ZNF8: variants seen among roughly 807,000 people sequenced by gnomAD.
ZNF8 encodes zinc finger protein 8.
In ZNF8, 9 loss-of-function variants were observed where a neutral mutation model predicts 12.2. That is an observed-to-expected ratio of 0.73 (90% CI 0.44 to 1.28). The LOEUF (loss-of-function observed/expected upper bound fraction) is 1.28, where lower values mean the gene tolerates loss of function less well. Ranked by LOEUF, ZNF8 falls within the 50% of genes most tolerant of loss-of-function variation. The pLI is 0.00. For missense variants in ZNF8, 664 were observed against 729.1 expected (o/e 0.91, Z 1.03); for synonymous variants, 274 against 282.3 (o/e 0.97, Z 0.30).
chr19:58,279,274 T>C, intron 1 of ZNF8, 127 bp downstream of exon 1: 1 of 1,522,186 alleles, frequency 6.6e-7, no homozygotes, highest in Non-Finnish European at 8.8e-7. Context: ...GTGGGGAAAC[T>C]CAGACGCGGG....
In ZNF8 at chr19:58,295,552, G is replaced by A. The variant is rs761895705; in HGVS notation, c.*16G>A. ...ATCCACATAGGAGAGAAACTTTGCT[G>A]ATGACTTTTAACCACAAGTAAAAAA... On this transcript the variant is annotated 3_prime_UTR_variant, in exon 4 of 4. Coordinates refer to ENST00000621650, the MANE Select transcript of ZNF8 (RefSeq NM_021089.3). 1 of 1,570,268 alleles carries A rather than the reference G, an allele frequency of 6.4e-7. No homozygotes were observed. Among genetic ancestry groups the A allele is most frequent in the Non-Finnish European group, 8.6e-7 (1 of 1,156,944 alleles).
At chr19:58,287,816 T>C (rs968137542) in intron 3 of ZNF8, among the ~76,000 whole-genome samples, 10 of 150,288 alleles carry the variant, frequency 6.7e-5, no homozygotes, top group Admixed American at 2.0e-4. Flanking sequence ...TTTCTTTTTC[T>C]TTTTTAAAAA....
In ZNF8 at chr19:58,294,534, T is replaced by C. The variant is rs1247880902; in HGVS notation, c.726T>C (p.Ile242=). The C allele has an allele frequency of 1.1e-5, 18 of 1,614,012 alleles. No homozygotes were observed. Among genetic ancestry groups the C allele is most frequent in the Non-Finnish European group, 1.5e-5 (18 of 1,180,030 alleles). Residue 242 remains isoleucine, a synonymous_variant, in exon 4 of 4, where the codon ATT becomes ATC. Coordinates refer to ENST00000621650, the MANE Select transcript of ZNF8 (RefSeq NM_021089.3). This position sits in a 1 kb window ranked among gnomAD's most constrained non-coding sequence, Gnocchi z 5.5. ...SDCHRDSSQA[I]PITELTKSQV... is the part of the protein sequence containing the mutation. Reference sequence around the variant, plus strand: ...GTCACAGAGATTCCAGTCAGGCCATTCCAATTACGGAACTCACAAAAAGCC... The same window carrying C: ...GTCACAGAGATTCCAGTCAGGCCATCCCAATTACGGAACTCACAAAAAGCC...
chr19:58,295,471 G>A lies in ZNF8; in HGVS notation c.1663G>A (p.Val555Ile), dbSNP rs762878173. Reference sequence around the variant, plus strand: ...CATGCAAGAGAAAAACCCTGTGCACGTTATTGGGGTGGAAGAGCCTTCTGT... The same window carrying A: ...CATGCAAGAGAAAAACCCTGTGCACATTATTGGGGTGGAAGAGCCTTCTGT... ...KIMQEKNPVH[V>I]IGVEEPSVGA... Residue 555 changes from valine (V) to isoleucine (I), a missense_variant, in exon 4 of 4, where the codon GTT becomes ATT. Transcript: ENST00000621650. 2.2e-5 allele frequency: 35 copies of A among 1,612,824 alleles called. No homozygotes were observed. Among genetic ancestry groups the A allele is most frequent in the South Asian group, 7.7e-5 (7 of 91,078 alleles).
In ZNF8 at chr19:58,300,529, G is replaced by A. The variant is rs2095763728; in HGVS notation, c.*4993G>A. ...GGGGGCCACCCCTAATAACAACGGG[G>A]CTTAGAAACCTCGTATTTACCTTTC... On this transcript the variant is annotated 3_prime_UTR_variant, in exon 4 of 4. Transcript: ENST00000621650. 6.6e-6 allele frequency: 1 copy of A among 152,228 alleles called. No homozygotes were observed. The highest frequency in any genetic ancestry group is 2.4e-5 in the African/African-American group (1 of 41,436). The allele number at this position is 152,228 out of a possible 1,614,324, so 9.4% of individuals were successfully genotyped here. A position where few individuals can be genotyped will look rare whatever the true frequency, so the allele number is the denominator to read the frequency against.
intron 3 of ZNF8, among the ~76,000 whole-genome samples, chr19:58,292,568 A>G (rs2051426349): frequency 6.6e-6 from 1 of 152,198 alleles, no homozygotes; most frequent in Non-Finnish European, 1.5e-5. Flanking sequence ...CATTCAGTCC[A>G]TAGCAGTCAC....
At chr19:58,292,436 T>C (rs2051425366) in intron 3 of ZNF8, among the ~76,000 whole-genome samples, 1 of 152,178 alleles carries the variant, frequency 6.6e-6, no homozygotes, top group Admixed American at 6.5e-5. Flanking sequence ...TTTCTTCTTA[T>C]AAGATCACTA....
chr19:58,280,135 C>G, intron 1 of ZNF8: 1 of 315,056 alleles, frequency 3.2e-6, no homozygotes, highest in Non-Finnish European at 6.2e-6. Flanking sequence ...CCTGGAACAA[C>G]AATAAATATC....
chr19:58,287,551 C>T (rs2051391161), intron 3 of ZNF8, among the ~76,000 whole-genome samples: 2 of 150,548 alleles, frequency 1.3e-5, no homozygotes, highest in Non-Finnish European at 3.0e-5. Context: ...GTTGCCCAGG[C>T]TGGTCTCAAA....
chr19:58,288,855 C>T (rs1280964550), intron 3 of ZNF8, among the ~76,000 whole-genome samples: 1 of 152,196 alleles, frequency 6.6e-6, no homozygotes, highest in Non-Finnish European at 1.5e-5. Context: ...CTGCCCCTTT[C>T]ATCGGTTGTC....
At chr19:58,284,385 G>T (rs181961197) in intron 1 of ZNF8, among the ~76,000 whole-genome samples, 372 of 152,328 alleles carry the variant, frequency 2.4e-3, no homozygotes, top group African/African-American at 8.3e-3. Flanking sequence ...CCCCCAAGGG[G>T]TGATGCTTTG....
At position 58,295,722 on chromosome 19, in the gene ZNF8, T is replaced by A. The variant is rs2051450674; in HGVS notation, c.*186T>A. On this transcript the variant is annotated 3_prime_UTR_variant, in exon 4 of 4. Transcript: ENST00000621650. ...AATCTATCAAACTCAGTGCCCTCTT[T>A]AGCGACATATTTTGTGACATTCCTT... 2 of 567,920 alleles carry A rather than the reference T, an allele frequency of 3.5e-6. No homozygotes were observed. Among genetic ancestry groups the A allele is most frequent in the Non-Finnish European group, 6.1e-6 (2 of 325,854 alleles). 35.2% of individuals were successfully genotyped at this position (567,920 alleles called of 1,614,324 possible). A position where few individuals can be genotyped will look rare whatever the true frequency, so the allele number is the denominator to read the frequency against.
At chr19:58,291,014 G>T (rs2051416207) in intron 3 of ZNF8, among the ~76,000 whole-genome samples, 1 of 152,184 alleles carries the variant, frequency 6.6e-6, no homozygotes, top group Non-Finnish European at 1.5e-5. Flanking sequence ...GGGTGACAGA[G>T]TAAGACCTTA....
At chr19:58,286,474 C>T (rs1345055290) in intron 3 of ZNF8, 1 of 346,876 alleles carries the variant, frequency 2.9e-6, no homozygotes, top group African/African-American at 2.1e-5. Flanking sequence ...CCAGGCTCCC[C>T]CAGCACTCAG....
chr19:58,285,813 C>G lies in ZNF8; in HGVS notation c.163C>G (p.Leu55Val). The G allele has an allele frequency of 1.9e-6, 3 of 1,613,538 alleles. No homozygotes were observed. Among genetic ancestry groups the G allele is most frequent in the Non-Finnish European group, 2.5e-6 (3 of 1,179,682 alleles). ...TQRILYRDVM[L>V]ETFGHLLSIG... ...GAGGATCCTCTACCGTGACGTGATGCTGGAGACCTTTGGTCACCTGCTCTC... is the reference window on the plus strand; with the variant it reads ...GAGGATCCTCTACCGTGACGTGATGGTGGAGACCTTTGGTCACCTGCTCTC... The change falls in exon 2 of 4, where the codon CTG becomes GTG. Residue 55 changes from leucine to valine, a missense_variant. Around this residue, in one of 3 missense-constraint regions of ZNF8, gnomAD observed 306 missense variants for 308.7 expected, o/e 0.99. Coordinates refer to ENST00000621650, the MANE Select transcript of ZNF8 (RefSeq NM_021089.3).
chr19:58,280,087 ATTAGTTACCTG>A (rs2051340343), intron 1 of ZNF8: 2 of 341,124 alleles, frequency 5.9e-6, no homozygotes, highest in Non-Finnish European at 1.1e-5. Flanking sequence ...GAGAAAGTGT[ATTAGTTACCTG>A]TTGCTGTGTA....
rs554190805 is a variant in ZNF8, at chr19:58,289,474, C to T, written c.289+3269C>T. Among the ~76,000 whole-genome samples, 1,112 of 144,862 alleles carry T rather than the reference C, an allele frequency of 7.7e-3. 15 individuals carry two copies. The highest frequency in any genetic ancestry group is 0.027 in the African/African-American group (1,046 of 38,856). On this transcript the variant is annotated intron_variant, in intron 3 of 3. Coordinates refer to ENST00000621650, the MANE Select transcript of ZNF8 (RefSeq NM_021089.3). ...TCATGCCACTGCACTCCAGCCTGGG[C>T]GACAGAGCAAAACTCTGTCTCAAAG...
At position 58,294,222 on chromosome 19, in the gene ZNF8, G is replaced by T. The variant is rs35832841; in HGVS notation, c.414G>T (p.Gly138=). Residue 138 remains glycine, a synonymous_variant, in exon 4 of 4, where the codon GGG becomes GGT. Coordinates refer to ENST00000621650, the MANE Select transcript of ZNF8 (RefSeq NM_021089.3). The surrounding 1 kb of genome is among the most constrained non-coding windows in gnomAD (Gnocchi z 5.5). ...ATGCTCCTTATCCCACCACGTTAGG[G>T]AAAGACAGGGAGTGTCAGAGCCAGA... ...PTDAPYPTTL[G]KDRECQSQSL... is the part of the protein sequence containing the mutation. 7.0e-4 allele frequency: 1,129 copies of T among 1,614,156 alleles called. 5 individuals are homozygous for T. In the African/African-American group the frequency reaches 0.013, roughly 19 times the overall value.
In ZNF8 at chr19:58,278,998, G is replaced by A. The variant is rs771505026; in HGVS notation, c.-84G>A. Reference sequence around the variant, plus strand: ...GTGCGGCCGCCATTGTCCGGCGTTCGGCGAGTCGGGTGGTCCCTTTGGCTG... The same window carrying A: ...GTGCGGCCGCCATTGTCCGGCGTTCAGCGAGTCGGGTGGTCCCTTTGGCTG... On this transcript the variant is annotated 5_prime_UTR_variant, in exon 1 of 4. Coordinates refer to ENST00000621650, the MANE Select transcript of ZNF8 (RefSeq NM_021089.3). The A allele has an allele frequency of 3.7e-6, 5 of 1,342,952 alleles. No individual in the cohort carries two copies. The highest frequency in any genetic ancestry group is 1.5e-5 in the African/African-American group (1 of 66,366). 83.2% of individuals were successfully genotyped at this position (1,342,952 alleles called of 1,614,324 possible). A position where few individuals can be genotyped will look rare whatever the true frequency, so the allele number is the denominator to read the frequency against.
Sources: gnomAD v4.1 joint callset for allele counts (sites outside exome capture counted in the v4.1 genomes callset) on GRCh38, gnomAD v4.1.1 for gene constraint, gnomAD v4.1.1 regional missense constraint, Gnocchi (gnomAD v3.1) non-coding constraint, MANE v1.5 for transcripts, NCBI Gene and HGNC (gene_info 2026-07-23, HGNC 2026-07-21) for gene names.